The following ATP9A variants were observed in gnomAD, a reference collection of about 807,000 sequenced individuals.
The protein encoded by ATP9A is ATPase phospholipid transporting 9A.
Under a neutral mutation model 144.1 loss-of-function variants are expected in ATP9A, and 52 were observed. That is an observed-to-expected ratio of 0.36 (90% confidence interval 0.29 to 0.45). ATP9A has a LOEUF of 0.45. ATP9A is among the 20% of genes least tolerant of loss of function. ATP9A has a pLI of 1.00. For synonymous variants in ATP9A, 582 were observed against 557.4 expected (o/e 1.04, Z -0.62); for missense variants, 947 against 1,392.7 (o/e 0.68, Z 5.09).
chr20:51,727,609 C>T (rs1428063812), intron 2 of ATP9A, among the ~76,000 whole-genome samples: 3 of 151,800 alleles, frequency 2.0e-5, no homozygotes, highest in African/African-American at 7.3e-5. Flanking sequence ...GAAACCCCAT[C>T]TCAAAAAATA....
chr20:51,753,930 C>T (rs2077844570), intron 1 of ATP9A, among the ~76,000 whole-genome samples: 1 of 151,872 alleles, frequency 6.6e-6, no homozygotes, highest in African/African-American at 2.4e-5. Flanking sequence ...ACCTCAGCCT[C>T]CCAAAGTGCT....
At chr20:51,761,810 T>C (rs1018435639) in intron 1 of ATP9A, among the ~76,000 whole-genome samples, 27 of 152,034 alleles carry the variant, frequency 1.8e-4, no homozygotes, top group African/African-American at 6.3e-4. Context: ...CAATGCAAGT[T>C]TATTACCCTA....
At chr20:51,706,716 C>T (rs1331069251) in intron 4 of ATP9A, among the ~76,000 whole-genome samples, 1 of 152,170 alleles carries the variant, frequency 6.6e-6, no homozygotes, top group Non-Finnish European at 1.5e-5. Context: ...TGCCACTGTA[C>T]TCCAGCCTGG....
At chr20:51,680,225 T>TA (rs11478096) in intron 9 of ATP9A, among the ~76,000 whole-genome samples, 3,040 of 123,330 alleles carry the variant, frequency 0.025, 106 homozygotes, top group African/African-American at 0.077. Flanking sequence ...GAGACTGTCT[T>TA]AAAAAAAAAA....
intron 14 of ATP9A, among the ~76,000 whole-genome samples, chr20:51,653,127 C>A: frequency 6.7e-6 from 1 of 148,700 alleles, no homozygotes; most frequent in African/African-American, 2.5e-5. Flanking sequence ...AAAACAACCA[C>A]AGCAAAAAGG....
chr20:51,641,393 T>C (rs955128095), intron 14 of ATP9A, among the ~76,000 whole-genome samples: 1 of 151,772 alleles, frequency 6.6e-6, no homozygotes, highest in African/African-American at 2.4e-5. Context: ...GGGTGGTGCA[T>C]GTGTGTCGTC....
chr20:51,748,284 A>AT (rs1234432980), intron 1 of ATP9A, among the ~76,000 whole-genome samples: 1 of 152,090 alleles, frequency 6.6e-6, no homozygotes, highest in African/African-American at 2.4e-5. Flanking sequence ...ATCTCTATTT[A>AT]TTTTTTAAAA....
chr20:51,743,485 T>G (rs947607371), intron 1 of ATP9A, among the ~76,000 whole-genome samples: 1 of 140,192 alleles, frequency 7.1e-6, no homozygotes, highest in Admixed American at 7.7e-5. Flanking sequence ...CTGCAACCTC[T>G]GCCTCCCGGA....
intron 3 of ATP9A, among the ~76,000 whole-genome samples, chr20:51,723,964 C>T (rs1329645452): frequency 6.6e-6 from 1 of 151,936 alleles, no homozygotes; most frequent in African/African-American, 2.4e-5. Flanking sequence ...TGAGGTCAGT[C>T]GTTTGAGACC....
At position 51,601,368 on chromosome 20, in the gene ATP9A, G is replaced by A. The variant is rs183520049; in HGVS notation, c.3008-21C>T. On this transcript the variant is annotated intron_variant, in intron 27 of 27. Transcript: ENST00000338821. ...CACATCTGCAAGGAAAGGGGAAGAC[G>A]GCAGTGAGCAGGCAGGAATATTCCG... The A allele has an allele frequency of 3.3e-4, 522 of 1,595,080 alleles. 3 individuals are homozygous for A. In the African/African-American group the frequency reaches 4.9e-3, roughly 15 times the overall value.
chr20:51,768,231 G>C (rs1568853652), intron 1 of ATP9A, 71 bp downstream of exon 1: 3 of 1,056,912 alleles, frequency 2.8e-6, no homozygotes, highest in Non-Finnish European at 3.6e-6. Flanking sequence ...TGTCAGGCCC[G>C]GCCAGGCTGG....
intron 1 of ATP9A, among the ~76,000 whole-genome samples, chr20:51,730,649 G>A (rs1035829250): frequency 7.2e-5 from 11 of 152,212 alleles, no homozygotes; most frequent in Non-Finnish European, 1.3e-4. Flanking sequence ...GCACTAGGCT[G>A]AATGGTACAG....
At chr20:51,758,653 G>A (rs1004377876) in intron 1 of ATP9A, among the ~76,000 whole-genome samples, 1 of 152,180 alleles carries the variant, frequency 6.6e-6, no homozygotes, top group Non-Finnish European at 1.5e-5. Flanking sequence ...TGGGCTGGGC[G>A]CAGTGGCTTA....
intron 22 of ATP9A, among the ~76,000 whole-genome samples, chr20:51,615,255 T>C (rs1037831734): frequency 3.2e-4 from 48 of 152,190 alleles, no homozygotes; most frequent in African/African-American, 1.0e-3. Context: ...ATAGTAACAA[T>C]TGGCCAAAGT....
At chr20:51,680,873 T>C (rs1410501771) in intron 9 of ATP9A, among the ~76,000 whole-genome samples, 3 of 152,010 alleles carry the variant, frequency 2.0e-5, no homozygotes, top group South Asian at 2.1e-4. Context: ...TCATACTGAC[T>C]CCAAATCATA....
intron 1 of ATP9A, among the ~76,000 whole-genome samples, chr20:51,730,825 G>A (rs1241963570): frequency 6.6e-6 from 1 of 152,112 alleles, no homozygotes; most frequent in African/African-American, 2.4e-5. Flanking sequence ...TTATATATGT[G>A]GTCTGTGGTT....
At chr20:51,608,705 G>C in intron 24 of ATP9A, 79 bp from the exon 25 acceptor site, 1 of 868,676 alleles carries the variant, frequency 1.2e-6, no homozygotes, top group South Asian at 1.4e-5. Context: ...CGGCACCCAA[G>C]TCCCAACCAT....
chr20:51,739,358 T>G (rs1372163988), intron 1 of ATP9A, among the ~76,000 whole-genome samples: 1 of 150,168 alleles, frequency 6.7e-6, no homozygotes, highest in Non-Finnish European at 1.5e-5. Flanking sequence ...TCTTTTTTTT[T>G]TTTTTTTTTT....
At chr20:51,751,723 G>A (rs757215239) in intron 1 of ATP9A, among the ~76,000 whole-genome samples, 15 of 152,238 alleles carry the variant, frequency 9.9e-5, no homozygotes, top group Non-Finnish European at 1.9e-4. Context: ...GAGTAGCTGG[G>A]ACTGCAGGCG....
Sources: allele counts gnomAD v4.1 joint callset (sites outside exome capture counted in the v4.1 genomes callset), GRCh38; gene constraint gnomAD v4.1.1; transcripts MANE v1.5; gene names NCBI Gene and HGNC (gene_info 2026-07-23, HGNC 2026-07-21).